The following HLCS variants were observed in gnomAD, a reference collection of about 807,000 sequenced individuals.
HLCS encodes the protein holocarboxylase synthetase, also known as biotin--protein ligase.
HLCS carries 53 observed loss-of-function variants against 75.0 expected under a neutral mutation model. That is an observed-to-expected ratio of 0.71 (90% CI 0.57 to 0.89). The LOEUF (loss-of-function observed/expected upper bound fraction) is 0.89, where lower values mean the gene tolerates loss of function less well. Among genes scored for constraint, HLCS ranks in the 40% least tolerant of loss-of-function variants. HLCS has a pLI of 0.00. For synonymous variants in HLCS, 431 were observed against 428.6 expected (o/e 1.01, Z -0.07); for missense variants, 966 against 1,074.0 (o/e 0.90, Z 1.41).
chr21:36,823,894 C>T (rs1423714564), intron 6 of HLCS, among the ~76,000 whole-genome samples: 1 of 152,036 alleles, frequency 6.6e-6, no homozygotes, highest in Non-Finnish European at 1.5e-5. Context: ...AGCATCTAAC[C>T]CTATATATAG....
intron 8 of HLCS, 112 bp downstream of exon 8, chr21:36,764,900 G>T: frequency 8.5e-7 from 1 of 1,181,362 alleles, no homozygotes; most frequent in Non-Finnish European, 1.3e-6. Context: ...GCTGTGCAAA[G>T]GGTAGGCTGA....
At chr21:36,881,117 G>A (rs1404263294) in intron 6 of HLCS, among the ~76,000 whole-genome samples, 1 of 152,046 alleles carries the variant, frequency 6.6e-6, no homozygotes, top group Non-Finnish European at 1.5e-5. Flanking sequence ...CTACAGGTGT[G>A]CACCACCATG....
chr21:36,845,840 C>G (rs2062779233), intron 6 of HLCS, among the ~76,000 whole-genome samples: 1 of 152,094 alleles, frequency 6.6e-6, no homozygotes. Flanking sequence ...ATCTTCCTTC[C>G]TATGAGCTCT....
intron 6 of HLCS, among the ~76,000 whole-genome samples, chr21:36,831,924 T>C (rs1024351761): frequency 3.3e-5 from 5 of 152,104 alleles, no homozygotes; most frequent in Admixed American, 6.5e-5. Context: ...CCTGAGCTAA[T>C]AGCATCGAGA....
rs780469041 is a variant in HLCS at position 36,936,764 on chromosome 21, T to G, written c.1122A>C (p.Glu374Asp). ...AGGCCATGAACTTCTGGTACAGGTC[T>G]TCGGGAATGGACTCCCTGGTAGCAA... ...LVIATRESIP[E>D]DLYQKFMAYL... The change falls in exon 4 of 11, where the codon GAA becomes GAC. Residue 374 changes from glutamate to aspartate, a missense_variant. Physicochemically the swap from Glu to Asp is conservative, Grantham distance 45 (BLOSUM62 2). Transcript: ENST00000674895. 4 of 1,614,108 alleles carry G rather than the reference T, an allele frequency of 2.5e-6. No individual in the cohort carries two copies. In the African/African-American group the frequency reaches 5.3e-5, roughly 22 times the overall value.
chr21:36,789,490 G>A (rs537661821), intron 6 of HLCS, among the ~76,000 whole-genome samples: 51 of 152,212 alleles, frequency 3.4e-4, no homozygotes, highest in African/African-American at 1.2e-3. Context: ...CTATAATTTT[G>A]TTTGTGTCCA....
At chr21:36,886,655 C>T (rs115596828) in intron 6 of HLCS, among the ~76,000 whole-genome samples, 3,899 of 152,138 alleles carry the variant, frequency 0.026, 168 homozygotes, top group African/African-American at 0.089. Flanking sequence ...GTTTGTGTTC[C>T]CTCCCCAACC....
chr21:36,774,947 G>A (rs905892304), intron 6 of HLCS, among the ~76,000 whole-genome samples: 8 of 152,128 alleles, frequency 5.3e-5, no homozygotes, highest in Admixed American at 1.3e-4. Context: ...TTGACACTAC[G>A]GCCTGCCCTT....
At chr21:36,928,212 A>G (rs1280196768) in intron 5 of HLCS, among the ~76,000 whole-genome samples, 1 of 152,214 alleles carries the variant, frequency 6.6e-6, no homozygotes, top group South Asian at 2.1e-4. Context: ...CCAAGAAAAC[A>G]TCATATAAAA....
Position 36,835,195 on chromosome 21 carries a change from A to C in HLCS, c.1892+61665T>G, listed in dbSNP as rs114275539. Among the ~76,000 whole-genome samples the C allele has an allele frequency of 4.8e-3, 729 of 152,306 alleles. 8 individuals are homozygous for C. The highest frequency in any genetic ancestry group is 0.016 in the African/African-American group (667 of 41,564). ...GACGTCTGATTCAGATGATCAGTAA[A>C]GTCACTGATGGTTTAGTCTTTCCTA... On this transcript the variant is annotated intron_variant, in intron 6 of 10. Transcript: ENST00000674895.
chr21:36,856,031 A>G (rs1400684411), intron 6 of HLCS, among the ~76,000 whole-genome samples: 1 of 152,162 alleles, frequency 6.6e-6, no homozygotes, highest in Non-Finnish European at 1.5e-5. Context: ...CCATAGAAAC[A>G]GAAAGTAGAT....
Position 36,819,434 on chromosome 21 carries a change from T to C in HLCS, c.1893-52149A>G, listed in dbSNP as rs541178278. Among the ~76,000 whole-genome samples, 227 of 152,340 alleles carry C rather than the reference T, an allele frequency of 1.5e-3. 2 individuals are homozygous for C. The highest frequency in any genetic ancestry group is 1.2e-3 in the Admixed American group (19 of 15,300). On this transcript the variant is annotated intron_variant, in intron 6 of 10. Transcript: ENST00000674895. ...AATCGAATATTACACTGAAAAAATCTGAAAGTAATACTTCCTCTGACCTTT... is the reference window on the plus strand; with the variant it reads ...AATCGAATATTACACTGAAAAAATCCGAAAGTAATACTTCCTCTGACCTTT...
chr21:36,837,460 C>T (rs2062454043), intron 6 of HLCS, among the ~76,000 whole-genome samples: 1 of 152,044 alleles, frequency 6.6e-6, no homozygotes, highest in Non-Finnish European at 1.5e-5. Context: ...TGGCCATGTC[C>T]ACGTCAAGTA....
intron 6 of HLCS, among the ~76,000 whole-genome samples, chr21:36,819,945 T>C (rs994052600): frequency 3.3e-5 from 5 of 152,220 alleles, no homozygotes; most frequent in Admixed American, 3.3e-4. Context: ...AAGGATTTTA[T>C]GAATAAATAA....
chr21:36,780,806 A>G (rs1307002776), intron 6 of HLCS, among the ~76,000 whole-genome samples: 1 of 152,054 alleles, frequency 6.6e-6, no homozygotes, highest in Non-Finnish European at 1.5e-5. Context: ...AGCCTAACCA[A>G]TGGACAGTGG....
chr21:36,951,584 A>T (rs1002854764), intron 2 of HLCS, among the ~76,000 whole-genome samples: 1 of 152,200 alleles, frequency 6.6e-6, no homozygotes, highest in African/African-American at 2.4e-5. Context: ...AACTCCTTAC[A>T]AACAGGGAAT....
At chr21:36,954,833 C>T (rs375300301) in intron 2 of HLCS, among the ~76,000 whole-genome samples, 5 of 152,058 alleles carry the variant, frequency 3.3e-5, no homozygotes, top group Admixed American at 2.6e-4. Flanking sequence ...GAGGCCGAGG[C>T]GGGGGGATCA....
chr21:36,757,187 A>C (rs1002426759), intron 9 of HLCS, among the ~76,000 whole-genome samples: 1 of 152,202 alleles, frequency 6.6e-6, no homozygotes, highest in African/African-American at 2.4e-5. Flanking sequence ...TTGAAAATAG[A>C]GTTTTATTCA....
intron 6 of HLCS, among the ~76,000 whole-genome samples, chr21:36,803,096 A>T (rs1569031494): frequency 6.6e-6 from 1 of 152,220 alleles, no homozygotes; most frequent in Non-Finnish European, 1.5e-5. Context: ...TCATGGTGAC[A>T]ACCGGGTGGA....
Sources: allele counts gnomAD v4.1 joint callset (sites outside exome capture counted in the v4.1 genomes callset), GRCh38; gene constraint gnomAD v4.1.1; transcripts MANE v1.5; gene names NCBI Gene and HGNC (gene_info 2026-07-23, HGNC 2026-07-21).